The following FGD5 variants were observed in gnomAD, a reference collection of about 807,000 sequenced individuals.
FGD5 encodes the protein FYVE, RhoGEF and PH domain-containing protein 5.
Under a neutral mutation model 133.4 loss-of-function variants are expected in FGD5, and 28 were observed. The observed-to-expected ratio is 0.21, with a 90% CI of 0.16 to 0.29. The LOEUF is 0.29. Ranked by LOEUF, FGD5 falls within the 10% of genes least tolerant of loss-of-function variation. The probability of loss-of-function intolerance (pLI) is 1.00; values close to 1 mark genes in which losing one functional copy is unlikely to be tolerated. For missense variants in FGD5, 1,858 were observed against 1,895.2 expected, an observed-to-expected ratio of 0.98 and a Z score of 0.36; for synonymous variants, 810 against 776.5, an observed-to-expected ratio of 1.04 and a Z score of -0.72.
Position 14,819,324 on chromosome 3 carries a change from G to C in FGD5, c.253G>C (p.Gly85Arg), listed in dbSNP as rs1195120605. The part of the protein sequence containing the change: ...EDEPKDEGSV[G>R]NKALVSPESS... ...TGAACCCAAGGACGAGGGCAGTGTG[G>C]GGAACAAAGCCCTGGTGTCTCCCGA... The change falls in exon 1 of 20, where the codon GGG (glycine) becomes CGG (arginine). Residue 85 changes from glycine (G) to arginine (R), a missense_variant. Around this residue, in one of 3 missense-constraint regions of FGD5, gnomAD observed 1,824 missense variants for 1,848.9 expected, o/e 0.99. Transcript: ENST00000285046. This position sits in a 1 kb window ranked among gnomAD's most constrained non-coding sequence, Gnocchi z 4.1. 1.3e-6 allele frequency: 2 copies of C among 1,540,590 alleles called. No individual in the cohort carries two copies. Among genetic ancestry groups the C allele is most frequent in the Non-Finnish European group, 1.8e-6 (2 of 1,141,548 alleles).
chr3:14,898,315 C>T (rs1265326687), intron 6 of FGD5, among the ~76,000 whole-genome samples: 1 of 152,122 alleles, frequency 6.6e-6, no homozygotes, highest in Non-Finnish European at 1.5e-5. Context: ...GTGAGTGCCA[C>T]CCAGTAAGGG....
intron 2 of FGD5, among the ~76,000 whole-genome samples, chr3:14,875,607 G>C (rs1054962019): frequency 2.0e-5 from 3 of 152,158 alleles, no homozygotes; most frequent in Non-Finnish European, 4.4e-5. Flanking sequence ...GCCACTCAAG[G>C]GTGCAGGTGA....
At chr3:14,925,863 G>A (rs1214089673) in intron 17 of FGD5, among the ~76,000 whole-genome samples, 1 of 152,202 alleles carries the variant, frequency 6.6e-6, no homozygotes, top group East Asian at 1.9e-4. Context: ...CCCAAAGTCA[G>A]CTGGGTCCAT....
intron 17 of FGD5, among the ~76,000 whole-genome samples, chr3:14,925,622 A>G (rs531633280): frequency 3.5e-4 from 54 of 152,294 alleles, no homozygotes; most frequent in African/African-American, 1.2e-3. Context: ...TAATAAAAGG[A>G]CTTAACGCTG....
rs374800152 is a variant in FGD5 at position 14,876,858 on chromosome 3, G to A, written c.2659-3714G>A. 2.1e-4 allele frequency among the ~76,000 whole-genome samples: 32 copies of A among 152,298 alleles called. No homozygotes were observed. In the East Asian group the frequency reaches 2.3e-3, roughly 11 times the overall value. On this transcript the variant is annotated intron_variant, in intron 2 of 19. Transcript: ENST00000285046. ...ACTAAGGCATGGAGACAGAGGACCCGGATTCTTGACTCTTTGTGTGACCCG... is the reference window on the plus strand; with the variant it reads ...ACTAAGGCATGGAGACAGAGGACCCAGATTCTTGACTCTTTGTGTGACCCG...
chr3:14,865,146 C>CA (rs2037470356), intron 2 of FGD5, among the ~76,000 whole-genome samples: 1 of 146,502 alleles, frequency 6.8e-6, no homozygotes, highest in Non-Finnish European at 1.5e-5. Context: ...GCCATGCCTG[C>CA]ATGTTGAGAG....
chr3:14,918,944 A>G (rs572621979), intron 13 of FGD5, 111 bp downstream of exon 13: 3 of 1,179,906 alleles, frequency 2.5e-6, no homozygotes, highest in South Asian at 2.6e-5. Flanking sequence ...TTCTGGGTCA[A>G]AGTATCCTTC....
At chr3:14,885,316 G>A (rs567723562) in intron 4 of FGD5, among the ~76,000 whole-genome samples, 23 of 151,864 alleles carry the variant, frequency 1.5e-4, no homozygotes, top group African/African-American at 5.5e-4. Flanking sequence ...TGGAAGAAGG[G>A]GTCAGCTGTT....
intron 1 of FGD5, among the ~76,000 whole-genome samples, chr3:14,851,924 T>A (rs1274639518): frequency 1.1e-4 from 16 of 146,634 alleles, no homozygotes; most frequent in Non-Finnish European, 1.1e-4. Context: ...ATGGCTAAGA[T>A]AAAAAAAAAA....
chr3:14,901,135 C>G (rs554170926), intron 9 of FGD5, 74 bp downstream of exon 9: 1 of 1,490,792 alleles, frequency 6.7e-7, no homozygotes, highest in South Asian at 1.1e-5. Flanking sequence ...GGTCAGCCTT[C>G]TGATGCCCCA....
chr3:14,888,190 C>G (rs2037960221), intron 4 of FGD5, among the ~76,000 whole-genome samples: 1 of 143,416 alleles, frequency 7.0e-6, no homozygotes, highest in Non-Finnish European at 1.5e-5. Flanking sequence ...AATACAGATG[C>G]TCAGATTCCG....
chr3:14,869,291 C>T (rs965823131), intron 2 of FGD5, among the ~76,000 whole-genome samples: 2 of 151,716 alleles, frequency 1.3e-5, no homozygotes, highest in African/African-American at 4.8e-5. Context: ...AAGACTCTGT[C>T]TTAAGACAAC....
At chr3:14,930,528 C>T (rs2038884719) in intron 18 of FGD5, among the ~76,000 whole-genome samples, 1 of 150,688 alleles carries the variant, frequency 6.6e-6, no homozygotes, top group South Asian at 2.1e-4. Flanking sequence ...ACACAGCAAG[C>T]AGAGGTTGCA....
At chr3:14,816,852 G>T (rs1259225632), upstream of FGD5, among the ~76,000 whole-genome samples, 1 of 152,180 alleles carries the variant, frequency 6.6e-6, no homozygotes, top group African/African-American at 2.4e-5. Context: ...GGGGTCTGAT[G>T]CAGTGGCTGT....
intron 9 of FGD5, 34 bp from the exon 10 acceptor site, chr3:14,907,606 G>C: frequency 6.2e-7 from 1 of 1,603,096 alleles, no homozygotes; most frequent in Non-Finnish European, 8.5e-7. Flanking sequence ...TAGGGGCCCT[G>C]ACCATCTCTC....
intron 1 of FGD5, among the ~76,000 whole-genome samples, chr3:14,822,818 G>A (rs1247258342): frequency 1.3e-5 from 2 of 152,184 alleles, no homozygotes; most frequent in Non-Finnish European, 2.9e-5. Flanking sequence ...CTCAGCTGTT[G>A]CTGCTAGGAA....
At chr3:14,908,972 CCATT>C (rs1300828286) in intron 10 of FGD5, among the ~76,000 whole-genome samples, 1 of 132,402 alleles carries the variant, frequency 7.6e-6, no homozygotes, top group African/African-American at 2.9e-5. Context: ...ATTCATTCAT[CCATT>C]CATTCATTCA....
chr3:14,913,433 A>G (rs778917751), intron 11 of FGD5, among the ~76,000 whole-genome samples: 10 of 152,104 alleles, frequency 6.6e-5, no homozygotes, highest in Non-Finnish European at 1.3e-4. Context: ...TTCAGGACGC[A>G]AAAGGGAGGC....
At chr3:14,852,774 A>G (rs933777328) in intron 1 of FGD5, among the ~76,000 whole-genome samples, 2 of 152,204 alleles carry the variant, frequency 1.3e-5, no homozygotes, top group African/African-American at 2.4e-5. Context: ...GGGAACCATT[A>G]CAATGCTATC....
Sources: gnomAD v4.1 joint callset for allele counts (sites outside exome capture counted in the v4.1 genomes callset) on GRCh38, gnomAD v4.1.1 for gene constraint, gnomAD v4.1.1 regional missense constraint, Gnocchi (gnomAD v3.1) non-coding constraint, MANE v1.5 for transcripts, NCBI Gene and HGNC (gene_info 2026-07-23, HGNC 2026-07-21) for gene names.